GLIS1: variants seen among roughly 807,000 people sequenced by gnomAD.
GLIS1 encodes zinc finger protein GLIS1.
Under a neutral mutation model 63.8 loss-of-function variants are expected in GLIS1, and 24 were observed. That is an observed-to-expected ratio of 0.38 (90% CI 0.27 to 0.53). GLIS1 has a LOEUF of 0.53. GLIS1 is among the 20% of genes least tolerant of loss of function. The pLI is 0.85. For synonymous variants in GLIS1, 450 were observed against 482.5 expected (o/e 0.93, Z 0.88); for missense variants, 1,036 against 1,074.1 (o/e 0.96, Z 0.50).
At chr1:53,684,988 G>C (rs1272961259) in intron 2 of GLIS1, among the ~76,000 whole-genome samples, 1 of 152,228 alleles carries the variant, frequency 6.6e-6, no homozygotes, top group Non-Finnish European at 1.5e-5. Flanking sequence ...AGAGCTCTGA[G>C]GCTGTGGGGA....
intron 2 of GLIS1, among the ~76,000 whole-genome samples, chr1:53,662,469 C>T (rs1213225098): frequency 2.0e-5 from 3 of 152,072 alleles, no homozygotes; most frequent in South Asian, 2.1e-4. Flanking sequence ...ATGATGATGG[C>T]GGCAAGGATG....
chr1:53,508,809 G>A (rs550714977), intron 10 of GLIS1, among the ~76,000 whole-genome samples: 1 of 152,324 alleles, frequency 6.6e-6, no homozygotes, highest in South Asian at 2.1e-4. Context: ...CACAGTAGGT[G>A]CTCAATAAAT....
chr1:53,704,995 A>G (rs1646563017), intron 2 of GLIS1, among the ~76,000 whole-genome samples: 1 of 152,344 alleles, frequency 6.6e-6, no homozygotes, highest in South Asian at 2.1e-4. Context: ...GGGAGGAGAC[A>G]TGAAGAGGGA....
At chr1:53,707,389 T>C (rs968932845) in intron 2 of GLIS1, among the ~76,000 whole-genome samples, 1 of 152,220 alleles carries the variant, frequency 6.6e-6, no homozygotes, top group African/African-American at 2.4e-5. Flanking sequence ...CAGTGGTTCA[T>C]GCCTGTAATC....
intron 2 of GLIS1, among the ~76,000 whole-genome samples, chr1:53,635,558 A>G (rs1013224812): frequency 3.3e-5 from 5 of 152,006 alleles, no homozygotes; most frequent in African/African-American, 1.2e-4. Context: ...AAAAAAAAAA[A>G]GCAAAATGAA....
At chr1:53,525,594 C>G (rs571812449) in intron 5 of GLIS1, among the ~76,000 whole-genome samples, 1 of 150,790 alleles carries the variant, frequency 6.6e-6, no homozygotes, top group East Asian at 2.0e-4. Flanking sequence ...TCCATCCCCA[C>G]TGCCCCTCCT....
At chr1:53,737,752 G>T in intron 2 of GLIS1, 54 bp downstream of exon 2, 1 of 1,229,806 alleles carries the variant, frequency 8.1e-7, no homozygotes, top group Admixed American at 4.2e-5. Context: ...GGCGACGCCG[G>T]GCAGCCCGAA....
intron 2 of GLIS1, among the ~76,000 whole-genome samples, chr1:53,659,300 C>T (rs1192027822): frequency 1.3e-5 from 2 of 152,314 alleles, no homozygotes; most frequent in Admixed American, 6.5e-5. Context: ...AGCTCACGGG[C>T]ACTCAGGTGG....
At chr1:53,602,725 G>T (rs961981731) in intron 2 of GLIS1, among the ~76,000 whole-genome samples, 2 of 152,166 alleles carry the variant, frequency 1.3e-5, no homozygotes, top group South Asian at 4.1e-4. Context: ...GCAGGCTTGG[G>T]GGTCTGTAAG....
intron 4 of GLIS1, among the ~76,000 whole-genome samples, chr1:53,554,200 A>G (rs555737152): frequency 6.6e-6 from 1 of 152,270 alleles, no homozygotes. Context: ...CTCTCATCTA[A>G]GCATCCCCCA....
At chr1:53,563,813 C>T (rs1292160482) in intron 4 of GLIS1, among the ~76,000 whole-genome samples, 3 of 152,202 alleles carry the variant, frequency 2.0e-5, no homozygotes, top group African/African-American at 4.8e-5. Context: ...ACAGGAAACA[C>T]AGACACCCAT....
intron 4 of GLIS1, among the ~76,000 whole-genome samples, chr1:53,552,439 GT>G (rs932258546): frequency 1.3e-5 from 2 of 152,176 alleles, no homozygotes; most frequent in African/African-American, 4.8e-5. Flanking sequence ...TGCCCCAGGG[GT>G]TTATTCTTCC....
chr1:53,735,397 C>T (rs1646903017), intron 2 of GLIS1, among the ~76,000 whole-genome samples: 1 of 152,134 alleles, frequency 6.6e-6, no homozygotes, highest in Non-Finnish European at 1.5e-5. Context: ...TTTTATTTAC[C>T]CTGCAAGGTA....
At chr1:53,698,137 C>A (rs1289586357) in intron 2 of GLIS1, among the ~76,000 whole-genome samples, 2 of 126,354 alleles carry the variant, frequency 1.6e-5, no homozygotes, top group Non-Finnish European at 3.1e-5. Flanking sequence ...AAAGAACCAA[C>A]CAGAAAGTCT....
rs780869740 is a variant in GLIS1, at chr1:53,520,727, C to T, written c.1633G>A (p.Glu545Lys). The change falls in exon 7 of 11, where the codon GAG (glutamate) becomes AAG (lysine). Residue 545 changes from glutamate to lysine, a missense_variant. Transcript: ENST00000628545. ...GPDTEADVLT[E>K]CLVLQQLHTS... Reference sequence around the variant, plus strand: ...TGGAGCTGCTGCAGGACCAGACACTCGGTCAGGACGTCGGCCTCGGTGTCA... The same window carrying T: ...TGGAGCTGCTGCAGGACCAGACACTTGGTCAGGACGTCGGCCTCGGTGTCA... 2.9e-5 allele frequency: 47 copies of T among 1,606,790 alleles called. No homozygotes were observed. The highest frequency in any genetic ancestry group is 6.7e-5 in the African/African-American group (5 of 74,804).
intron 2 of GLIS1, among the ~76,000 whole-genome samples, chr1:53,694,625 T>G (rs965765813): frequency 6.6e-6 from 1 of 152,066 alleles, no homozygotes; most frequent in African/African-American, 2.4e-5. Flanking sequence ...CAGCTCCACC[T>G]CCTACAGGCT....
chr1:53,693,015 A>C lies in GLIS1; in HGVS notation c.259+44791T>G, dbSNP rs569563488. Among the ~76,000 whole-genome samples, 13 of 152,222 alleles carry C rather than the reference A, an allele frequency of 8.5e-5. 1 individual carries two copies. In the South Asian group the frequency reaches 2.7e-3, roughly 32 times the overall value. The stretch of plus-strand genomic sequence containing the variant: ...CATCCATGTCCATCTTTTCTGAAGG[A>C]AGGTATGTCCCTCACAGGTGCACAG... On this transcript the variant is annotated intron_variant, in intron 2 of 10. Coordinates refer to ENST00000628545, the MANE Select transcript of GLIS1 (RefSeq NM_001367484.1).
At chr1:53,576,675 A>G (rs543011828) in intron 4 of GLIS1, among the ~76,000 whole-genome samples, 1 of 152,274 alleles carries the variant, frequency 6.6e-6, no homozygotes, top group Admixed American at 6.5e-5. Context: ...CCTGGATTCC[A>G]GCTGCTAAGA....
intron 6 of GLIS1, among the ~76,000 whole-genome samples, chr1:53,523,647 T>C (rs1441312517): frequency 6.6e-6 from 1 of 152,108 alleles, no homozygotes; most frequent in Non-Finnish European, 1.5e-5. Flanking sequence ...GCCCTGGAGT[T>C]CCATGGGAGT....
Sources: allele counts gnomAD v4.1 joint callset (sites outside exome capture counted in the v4.1 genomes callset), GRCh38; gene constraint gnomAD v4.1.1; transcripts MANE v1.5; gene names NCBI Gene and HGNC (gene_info 2026-07-23, HGNC 2026-07-21).